Variants in MALRD1 observed in about 807,000 individuals in gnomAD.
The protein encoded by MALRD1 is MAM and LDL-receptor class A domain-containing protein 1.
MALRD1 carries 247 observed loss-of-function variants against 242.1 expected under a neutral mutation model. The observed-to-expected ratio is 1.02, with a 90% CI of 0.92 to 1.13. The LOEUF is 1.13. Ranked by LOEUF, MALRD1 falls within the 50% of genes most tolerant of loss-of-function variation. The pLI is 0.00. For missense variants in MALRD1, 2,989 were observed against 2,533.1 expected (o/e 1.18, Z -3.86); for synonymous variants, 995 against 866.6 (o/e 1.15, Z -2.60).
intron 35 of MALRD1, among the ~76,000 whole-genome samples, chr10:19,612,058 G>C (rs1027800827): frequency 2.0e-5 from 3 of 151,990 alleles, no homozygotes; most frequent in African/African-American, 7.2e-5. Flanking sequence ...CTCCTGTACT[G>C]TTTGTTTTCT....
chr10:19,556,093 A>C (rs1385706823), intron 32 of MALRD1, among the ~76,000 whole-genome samples: 1 of 152,122 alleles, frequency 6.6e-6, no homozygotes, highest in Non-Finnish European at 1.5e-5. Flanking sequence ...GTATTTTTAA[A>C]ATTTACTTTT....
rs1005525220 is a variant in MALRD1, at chr10:19,693,086, G to C, written c.6314+532G>C. 2.0e-4 allele frequency among the ~76,000 whole-genome samples: 30 copies of C among 151,864 alleles called. 1 individual carries two copies. Among genetic ancestry groups the C allele is most frequent in the African/African-American group, 6.5e-4 (27 of 41,396 alleles). ...GATGGGACATATCTCAAAATTATAAGAGCTATTTATGACAAACCCACAGCC... is the reference window on the plus strand; with the variant it reads ...GATGGGACATATCTCAAAATTATAACAGCTATTTATGACAAACCCACAGCC... On this transcript the variant is annotated intron_variant, in intron 38 of 39. Coordinates refer to ENST00000454679, the MANE Select transcript of MALRD1 (RefSeq NM_001142308.3).
intron 29 of MALRD1, among the ~76,000 whole-genome samples, chr10:19,455,060 C>T (rs749510112): frequency 6.6e-6 from 1 of 152,052 alleles, no homozygotes; most frequent in Non-Finnish European, 1.5e-5. Flanking sequence ...AAGGCTCTCT[C>T]CTTTTTGGAC....
chr10:19,279,434 A>G (rs1156586416), intron 19 of MALRD1, among the ~76,000 whole-genome samples: 1 of 152,150 alleles, frequency 6.6e-6, no homozygotes, highest in Non-Finnish European at 1.5e-5. Flanking sequence ...CCCTGCATCT[A>G]CCACGTGTAT....
In MALRD1 at chr10:19,554,915, TG is replaced by T. The variant is rs527659258; in HGVS notation, c.5479-12584del. 1.0e-3 allele frequency among the ~76,000 whole-genome samples: 155 copies of T among 152,292 alleles called. 2 individuals carry two copies. The Middle Eastern group carries it at 0.017, about 17-fold the overall frequency. The stretch of plus-strand genomic sequence containing the variant: ...ATTCCTTTGGGTATATACCCACTAA[TG>T]GGATTGCTGGGTCAGATGGTATTTC... On this transcript the variant is annotated intron_variant, in intron 32 of 39. Transcript: ENST00000454679.
chr10:19,321,117 G>T (rs1842899521), intron 21 of MALRD1, among the ~76,000 whole-genome samples: 1 of 151,994 alleles, frequency 6.6e-6, no homozygotes, highest in Non-Finnish European at 1.5e-5. Flanking sequence ...AGTTGCTTTT[G>T]GTGTTCTTGT....
chr10:19,454,409 T>G (rs991093755), intron 29 of MALRD1, among the ~76,000 whole-genome samples: 2 of 130,854 alleles, frequency 1.5e-5, no homozygotes, highest in Admixed American at 7.8e-5. Flanking sequence ...GCATATGATA[T>G]ATATATATAT....
At chr10:19,716,871 A>C (rs1834416525) in intron 38 of MALRD1, 1 of 152,224 alleles carries the variant, frequency 6.6e-6, no homozygotes, top group African/African-American at 2.4e-5. Context: ...GCAGTATGTC[A>C]GATGCTGACC....
At chr10:19,605,908 T>A (rs963691748) in intron 34 of MALRD1, among the ~76,000 whole-genome samples, 2 of 152,138 alleles carry the variant, frequency 1.3e-5, no homozygotes, top group African/African-American at 4.8e-5. Context: ...TCTAAGACAC[T>A]GTGTTACATG....
intron 14 of MALRD1, among the ~76,000 whole-genome samples, chr10:19,183,817 A>G (rs1835624420): frequency 6.6e-6 from 1 of 152,220 alleles, no homozygotes; most frequent in African/African-American, 2.4e-5. Context: ...ATAGCCTTGG[A>G]TGATTTAATC....
intron 2 of MALRD1, among the ~76,000 whole-genome samples, chr10:19,067,212 G>T (rs1453244312): frequency 1.3e-5 from 2 of 152,082 alleles, no homozygotes; most frequent in African/African-American, 4.8e-5. Flanking sequence ...AGATTAATTA[G>T]TCAAATTACT....
At chr10:19,653,998 C>A (rs1395806286) in intron 36 of MALRD1, among the ~76,000 whole-genome samples, 1 of 152,188 alleles carries the variant, frequency 6.6e-6, no homozygotes, top group Non-Finnish European at 1.5e-5. Context: ...TCTTTGTTAA[C>A]AATGAGCAGA....
intron 28 of MALRD1, among the ~76,000 whole-genome samples, chr10:19,391,701 C>G (rs2130821926): frequency 6.6e-6 from 1 of 152,248 alleles, no homozygotes; most frequent in East Asian, 1.9e-4. Context: ...TGCCTAGCCT[C>G]CCACAATGAT....
chr10:19,346,029 C>G (rs989024127), intron 24 of MALRD1, among the ~76,000 whole-genome samples: 1 of 152,048 alleles, frequency 6.6e-6, no homozygotes, highest in Non-Finnish European at 1.5e-5. Flanking sequence ...ATGTGATCCT[C>G]CCACCTTAGC....
At chr10:19,562,217 C>T (rs1271533466) in intron 32 of MALRD1, among the ~76,000 whole-genome samples, 2 of 152,038 alleles carry the variant, frequency 1.3e-5, no homozygotes, top group Admixed American at 6.6e-5. Flanking sequence ...ATTGCTTGAA[C>T]CCAGAAGGCG....
chr10:19,149,693 T>C (rs1833869976), intron 11 of MALRD1, among the ~76,000 whole-genome samples: 4 of 152,202 alleles, frequency 2.6e-5, no homozygotes, highest in Admixed American at 2.0e-4. Context: ...TATGATAAAG[T>C]ATTGGTTAAA....
intron 28 of MALRD1, among the ~76,000 whole-genome samples, chr10:19,404,629 G>GA (rs1319943697): frequency 1.3e-5 from 2 of 152,016 alleles, no homozygotes; most frequent in Non-Finnish European, 2.9e-5. Context: ...GCAAATAAGT[G>GA]ACATATCCAT....
chr10:19,449,464 C>T (rs776367291), intron 28 of MALRD1, among the ~76,000 whole-genome samples: 24 of 152,098 alleles, frequency 1.6e-4, no homozygotes, highest in Non-Finnish European at 2.9e-4. Context: ...TTCCAAAATA[C>T]GTGTGTTGCG....
intron 19 of MALRD1, among the ~76,000 whole-genome samples, chr10:19,278,066 C>T (rs572943805): frequency 1.2e-3 from 181 of 152,244 alleles, no homozygotes; most frequent in Non-Finnish European, 1.7e-3. Flanking sequence ...ATTTCAGACT[C>T]CCAGGTTGAT....
Sources: gnomAD v4.1 joint callset for allele counts (sites outside exome capture counted in the v4.1 genomes callset) on GRCh38, gnomAD v4.1.1 for gene constraint, MANE v1.5 for transcripts, NCBI Gene and HGNC (gene_info 2026-07-23, HGNC 2026-07-21) for gene names.